The following PKHD1L1 variants were observed in gnomAD, a reference collection of about 807,000 sequenced individuals.
PKHD1L1 encodes the protein PKHD1 like 1.
Under a neutral mutation model 462.9 loss-of-function variants are expected in PKHD1L1, and 434 were observed. That is an observed-to-expected ratio of 0.94 (90% confidence interval 0.87 to 1.02). PKHD1L1 has a LOEUF of 1.02. Ranked by LOEUF, PKHD1L1 falls within the 50% of genes least tolerant of loss-of-function variation. PKHD1L1 has a pLI of 0.00. For synonymous variants in PKHD1L1, 1,781 were observed against 1,750.0 expected (o/e 1.02, Z -0.44); for missense variants, 5,202 against 5,096.1 (o/e 1.02, Z -0.63).
intron 70 of PKHD1L1, 31 bp from the exon 71 acceptor site, chr8:109,510,746 G>C: frequency 6.2e-7 from 1 of 1,600,318 alleles, no homozygotes; most frequent in African/African-American, 1.3e-5. Flanking sequence ...TATGATATAG[G>C]AGTATGCACT....
At chr8:109,375,295 G>A (rs1811753027) in intron 2 of PKHD1L1, among the ~76,000 whole-genome samples, 1 of 152,132 alleles carries the variant, frequency 6.6e-6, no homozygotes, top group South Asian at 2.1e-4. Context: ...GATCGCATCA[G>A]CTACTGAGGC....
chr8:109,499,504 T>A (rs1225859415), intron 67 of PKHD1L1, among the ~76,000 whole-genome samples: 4 of 151,782 alleles, frequency 2.6e-5, no homozygotes, highest in African/African-American at 9.8e-5. Context: ...GAGGAAATTG[T>A]ATAACATGCT....
rs750432469 is a variant in PKHD1L1 at position 109,459,722 on chromosome 8, CTG to C, written c.7134_7135del (p.Phe2379Ter). On this transcript the variant is annotated frameshift_variant, in exon 47 of 78. Transcript: ENST00000378402. LOFTEE classifies it high-confidence loss of function. ...GITVTLPDGT[L>X]FEARAEVGIL... Reference sequence around the variant, plus strand: ...TACGGTCACACTCCCTGATGGAACTCTGTTTGAAGCAAGAGCAGAAGTTGGAA... The same window carrying C: ...TACGGTCACACTCCCTGATGGAACTCTTTGAAGCAAGAGCAGAAGTTGGAA... 2 of 1,612,114 alleles carry C rather than the reference CTG, an allele frequency of 1.2e-6. No individual in the cohort carries two copies. Among genetic ancestry groups the C allele is most frequent in the East Asian group, 2.2e-5 (1 of 44,748 alleles).
chr8:109,490,540 C>T (rs1454277809), intron 60 of PKHD1L1, among the ~76,000 whole-genome samples: 4 of 151,490 alleles, frequency 2.6e-5, no homozygotes, highest in African/African-American at 7.3e-5. Flanking sequence ...AATTGAAACC[C>T]CTAACCTGTT....
chr8:109,399,572 T>A lies in PKHD1L1; in HGVS notation c.1013-504T>A, dbSNP rs79332466. Among the ~76,000 whole-genome samples the A allele has an allele frequency of 9.9e-3, 1,512 of 152,204 alleles. 32 individuals are homozygous for A. Among genetic ancestry groups the A allele is most frequent in the East Asian group, 0.065 (339 of 5,178 alleles). On this transcript the variant is annotated intron_variant, in intron 12 of 77. Coordinates refer to ENST00000378402, the MANE Select transcript of PKHD1L1 (RefSeq NM_177531.6). ...CCTAGAGTAGAAGTAATGTTTTTTTTAAAAAGTAAAACAAACATTGAGAGA... is the reference window on the plus strand; with the variant it reads ...CCTAGAGTAGAAGTAATGTTTTTTTAAAAAAGTAAAACAAACATTGAGAGA...
chr8:109,466,597 C>A lies in PKHD1L1; in HGVS notation c.8433C>A (p.Val2811=). 6.3e-7 allele frequency: 1 copy of A among 1,598,868 alleles called. No individual in the cohort carries two copies. The highest frequency in any genetic ancestry group is 8.5e-7 in the Non-Finnish European group (1 of 1,172,964). ...TCCCAGGGCACAAAGGACATACCGTCATTCCACACAGCTCATTGCTAGACC... is the reference window on the plus strand; with the variant it reads ...TCCCAGGGCACAAAGGACATACCGTAATTCCACACAGCTCATTGCTAGACC... ...GSLTGHKGHT[V]IPHSSLLDPS... is the part of the protein sequence containing the mutation. The change falls in exon 50 of 78, where the codon GTC becomes GTA. Residue 2811 remains valine (V), a synonymous_variant. Coordinates refer to ENST00000378402, the MANE Select transcript of PKHD1L1 (RefSeq NM_177531.6).
At chr8:109,462,000 T>C in intron 48 of PKHD1L1, 92 bp downstream of exon 48, 3 of 1,404,700 alleles carry the variant, frequency 2.1e-6, no homozygotes, top group Non-Finnish European at 2.9e-6. Flanking sequence ...TCAATGCTAC[T>C]TATAATCTGG....
chr8:109,456,470 G>A (rs1486304902), intron 46 of PKHD1L1, 79 bp downstream of exon 46: 2 of 1,311,110 alleles, frequency 1.5e-6, no homozygotes, highest in South Asian at 1.9e-5. Flanking sequence ...AATTCAGATG[G>A]TGCATGACTA....
chr8:109,475,129 A>G lies in PKHD1L1; in HGVS notation c.8617A>G (p.Ile2873Val). ...ATGTTCTCCTATAGGCACAAGCATT[A>G]TTCCATTTCAGAAGAAACGACTGAC... is the stretch of plus-strand genomic sequence containing the variant. ...VLSDSFGTSI[I>V]PFQKKRLTHM... Residue 2873 changes from isoleucine to valine, a missense_variant, in exon 51 of 78, where the codon ATT (isoleucine) becomes GTT (valine). By Grantham distance (29) the Ile-to-Val change is conservative. This residue lies in a region of PKHD1L1 where 4,497 missense variants were observed against 4,336.8 expected (regional missense o/e 1.04). Coordinates refer to ENST00000378402, the MANE Select transcript of PKHD1L1 (RefSeq NM_177531.6). 6.2e-7 allele frequency: 1 copy of G among 1,609,030 alleles called. No homozygotes were observed. The highest frequency in any genetic ancestry group is 8.5e-7 in the Non-Finnish European group (1 of 1,177,950).
At chr8:109,459,373 G>T (rs1586559559) in intron 46 of PKHD1L1, among the ~76,000 whole-genome samples, 1 of 152,100 alleles carries the variant, frequency 6.6e-6, no homozygotes, top group Non-Finnish European at 1.5e-5. Context: ...AGGAACGAAT[G>T]TAGACCTTGA....
At chr8:109,439,309 T>G (rs749733290) in intron 32 of PKHD1L1, among the ~76,000 whole-genome samples, 2 of 152,280 alleles carry the variant, frequency 1.3e-5, no homozygotes, top group Non-Finnish European at 2.9e-5. Flanking sequence ...TAAAATTCTC[T>G]GTACAACTAG....
chr8:109,412,029 C>A (rs913330188), intron 19 of PKHD1L1, among the ~76,000 whole-genome samples: 13 of 151,852 alleles, frequency 8.6e-5, no homozygotes, highest in African/African-American at 3.1e-4. Flanking sequence ...AAAGAGCTCA[C>A]AAAGTAAGGA....
chr8:109,426,280 T>C (rs1814744328), intron 24 of PKHD1L1, among the ~76,000 whole-genome samples: 1 of 152,064 alleles, frequency 6.6e-6, no homozygotes, highest in Admixed American at 6.6e-5. Flanking sequence ...AAAGTATTTC[T>C]ATATTAAAAG....
At chr8:109,433,482 G>A (rs1049122235) in intron 28 of PKHD1L1, among the ~76,000 whole-genome samples, 2 of 151,982 alleles carry the variant, frequency 1.3e-5, no homozygotes, top group Non-Finnish European at 2.9e-5. Flanking sequence ...TCATTTGGAG[G>A]TTACATGAAA....
chr8:109,383,919 C>T, intron 4 of PKHD1L1, 151 bp from the exon 5 acceptor site: 1 of 655,710 alleles, frequency 1.5e-6, no homozygotes, highest in East Asian at 2.8e-5. Flanking sequence ...TAATTTAACT[C>T]TTAGGTTCAT....
intron 6 of PKHD1L1, among the ~76,000 whole-genome samples, 187 bp downstream of exon 6, chr8:109,385,817 C>T (rs547839366): frequency 2.3e-4 from 35 of 151,148 alleles, no homozygotes; most frequent in South Asian, 1.0e-3. Flanking sequence ...AAGCAATGGT[C>T]GATATGTCAT....
chr8:109,381,735 T>C (rs1268091682), intron 3 of PKHD1L1, among the ~76,000 whole-genome samples: 1 of 152,146 alleles, frequency 6.6e-6, no homozygotes, highest in African/African-American at 2.4e-5. Flanking sequence ...TCTTTTCCCA[T>C]GTTATTAGAG....
chr8:109,438,059 C>T (rs2130725958), intron 30 of PKHD1L1, among the ~76,000 whole-genome samples: 1 of 152,202 alleles, frequency 6.6e-6, no homozygotes, highest in Admixed American at 6.5e-5. Flanking sequence ...TATTGTAGAG[C>T]CATCAGAAAT....
chr8:109,450,924 G>C, intron 40 of PKHD1L1, 51 bp from the exon 41 acceptor site: 1 of 1,512,346 alleles, frequency 6.6e-7, no homozygotes, highest in Non-Finnish European at 8.9e-7. Context: ...TTTTGGAAAT[G>C]AATCAGGGCC....
Sources: gnomAD v4.1 joint callset for allele counts (sites outside exome capture counted in the v4.1 genomes callset) on GRCh38, gnomAD v4.1.1 for gene constraint, gnomAD v4.1.1 regional missense constraint, MANE v1.5 for transcripts, NCBI Gene and HGNC (gene_info 2026-07-23, HGNC 2026-07-21) for gene names.